Variants in MYLK3 observed in about 807,000 individuals in gnomAD.
MYLK3 encodes myosin light chain kinase 3.
In MYLK3, 55 loss-of-function variants were observed where a neutral mutation model predicts 76.3. The observed-to-expected ratio is 0.72, with a 90% CI of 0.58 to 0.90. The LOEUF (loss-of-function observed/expected upper bound fraction) is 0.90. Ranked by LOEUF, MYLK3 falls within the 40% of genes least tolerant of loss-of-function variation. The pLI is 0.00. For missense variants in MYLK3, 973 were observed against 1,053.6 expected (o/e 0.92, Z 1.06); for synonymous variants, 416 against 425.4 (o/e 0.98, Z 0.27).
chr16:46,748,396 C>A, upstream of MYLK3: 1 of 977,804 alleles, frequency 1.0e-6, no homozygotes, highest in Non-Finnish European at 1.4e-6. The surrounding 1 kb of genome is among the most constrained non-coding windows in gnomAD (Gnocchi z 4.3). Context: ...GCTTATCTCC[C>A]ACCCTACACG....
intron 4 of MYLK3, among the ~76,000 whole-genome samples, chr16:46,731,523 A>C (rs1174330174): frequency 1.3e-5 from 2 of 152,212 alleles, no homozygotes; most frequent in Non-Finnish European, 2.9e-5. Context: ...AGTGCTCGCC[A>C]TGGGAGCACT....
At chr16:46,733,074 A>G (rs755114327) in intron 3 of MYLK3, among the ~76,000 whole-genome samples, 12 of 152,342 alleles carry the variant, frequency 7.9e-5, no homozygotes, top group Non-Finnish European at 1.8e-4. Flanking sequence ...AAAATCAGTC[A>G]ATTCCAGCTG....
At chr16:46,744,927 A>G (rs1051364184) in intron 1 of MYLK3, among the ~76,000 whole-genome samples, 1 of 152,162 alleles carries the variant, frequency 6.6e-6, no homozygotes, top group Non-Finnish European at 1.5e-5. Context: ...TCTTTTTGCT[A>G]TAAATGCTAA....
chr16:46,732,658 G>A lies in MYLK3; in HGVS notation c.1012C>T (p.His338Tyr). The A allele has an allele frequency of 6.6e-7, 1 of 1,516,962 alleles. No homozygotes were observed. 94.0% of individuals were successfully genotyped at this position (1,516,962 alleles called of 1,614,324 possible). The change falls in exon 4 of 13, where the codon CAC becomes TAC. Residue 338 changes from histidine (H) to tyrosine (Y), a missense_variant. Physicochemically the swap from His to Tyr is moderately conservative, Grantham distance 83. Coordinates refer to ENST00000394809, the MANE Select transcript of MYLK3 (RefSeq NM_182493.3). ...GGETPPRISIHIQEMDTPGEM... is the reference protein window; with the variant it reads ...GGETPPRISIYIQEMDTPGEM... Reference sequence around the variant, plus strand: ...CCAGGAGTATCCATCTCTTGTATGTGGATGGAGATCCTGGGGTGGAGAGAA... The same window carrying A: ...CCAGGAGTATCCATCTCTTGTATGTAGATGGAGATCCTGGGGTGGAGAGAA...
In MYLK3 at chr16:46,709,687, G is replaced by C. The variant is rs1030668147; in HGVS notation, c.2268-16C>G. Reference sequence around the variant, plus strand: ...CATTCTGCAGCTGTGAAATCAAAGAGCAGTTAAGACTTTTAGTTGGAGTTG... The same window carrying C: ...CATTCTGCAGCTGTGAAATCAAAGACCAGTTAAGACTTTTAGTTGGAGTTG... On this transcript the variant is annotated splice_polypyrimidine_tract_variant and intron_variant, in intron 11 of 12. Coordinates refer to ENST00000394809, the MANE Select transcript of MYLK3 (RefSeq NM_182493.3). 2 of 1,608,222 alleles carry C rather than the reference G, an allele frequency of 1.2e-6. No individual in the cohort carries two copies. Among genetic ancestry groups the C allele is most frequent in the Non-Finnish European group, 1.7e-6 (2 of 1,178,532 alleles).
At chr16:46,742,707 G>A (rs1053382469) in intron 1 of MYLK3, among the ~76,000 whole-genome samples, 29 of 152,182 alleles carry the variant, frequency 1.9e-4, no homozygotes, top group African/African-American at 6.0e-4. Flanking sequence ...TGAACAGTAA[G>A]GACATAGCAC....
intron 5 of MYLK3, chr16:46,730,001 T>A (rs1191041959): frequency 5.6e-6 from 2 of 353,986 alleles, no homozygotes; most frequent in Non-Finnish European, 1.0e-5. Context: ...CCAGGGAACA[T>A]CCCCTCACCC....
At chr16:46,762,060 G>C (rs949655191) in intron 1 of MYLK3, among the ~76,000 whole-genome samples, 2 of 152,156 alleles carry the variant, frequency 1.3e-5, no homozygotes, top group Non-Finnish European at 2.9e-5. Flanking sequence ...CTCAAGGAAC[G>C]AGTCTTTGAA....
rs1966641378 is a variant in MYLK3 at position 46,707,778 on chromosome 16, A to G, written c.2401-15T>C. On this transcript the variant is annotated splice_polypyrimidine_tract_variant and intron_variant, in intron 12 of 12. Transcript: ENST00000394809. Reference sequence around the variant, plus strand: ...TAGAAATGTTTCTTGAGGCAAGGAGAGAATAAAAGAAAAGAAAAAGCATGT... The same window carrying G: ...TAGAAATGTTTCTTGAGGCAAGGAGGGAATAAAAGAAAAGAAAAAGCATGT... 2 of 1,595,460 alleles carry G rather than the reference A, an allele frequency of 1.3e-6. No individual in the cohort carries two copies. Among genetic ancestry groups the G allele is most frequent in the Non-Finnish European group, 1.7e-6 (2 of 1,166,780 alleles).
chr16:46,719,983 G>T (rs1966783350), intron 9 of MYLK3, among the ~76,000 whole-genome samples: 1 of 152,150 alleles, frequency 6.6e-6, no homozygotes, highest in Admixed American at 6.5e-5. Context: ...TTTGAGACCA[G>T]TCTGACCCAC....
At chr16:46,758,429 G>A (rs963030310) in intron 1 of MYLK3, among the ~76,000 whole-genome samples, 2 of 152,080 alleles carry the variant, frequency 1.3e-5, no homozygotes, top group African/African-American at 2.4e-5. Context: ...CAGCCCCTGC[G>A]CTGAGCGCTT....
Position 46,757,325 on chromosome 16 carries a change from G to A in MYLK3, c.-114+5715C>T, listed in dbSNP as rs1362361279. On this transcript the variant is annotated intron_variant, in intron 1 of 11. Transcript: ENST00000536476. Reference sequence around the variant, plus strand: ...TCTTGGCGCAAGAGAACCCAGGACCGGGGAACAACTGTCACCAGGTCTCCC... The same window carrying A: ...TCTTGGCGCAAGAGAACCCAGGACCAGGGAACAACTGTCACCAGGTCTCCC... 6 of 961,836 alleles carry A rather than the reference G, an allele frequency of 6.2e-6. No homozygotes were observed. In the African/African-American group the frequency reaches 7.0e-5, roughly 11 times the overall value. The allele number at this position is 961,836 out of a possible 1,614,324, so 59.6% of individuals were successfully genotyped here.
rs536148627 is a variant in MYLK3 at position 46,730,449 on chromosome 16, G to A, written c.1568+144C>T. Reference sequence around the variant, plus strand: ...TGTGGGCCACCATGCACCCCATGCTGTACAGGATGTCCCACCCCAGCCTTG... The same window carrying A: ...TGTGGGCCACCATGCACCCCATGCTATACAGGATGTCCCACCCCAGCCTTG... On this transcript the variant is annotated intron_variant, in intron 5 of 12. Transcript: ENST00000394809. The A allele has an allele frequency of 2.3e-4, 153 of 673,568 alleles. No homozygotes were observed. In the South Asian group the frequency reaches 2.5e-3, roughly 11 times the overall value. 41.7% of individuals were successfully genotyped at this position (673,568 alleles called of 1,614,324 possible). A position where few individuals can be genotyped will look rare whatever the true frequency, so the allele number is the denominator to read the frequency against.
At chr16:46,746,368 A>C (rs1273214799) in intron 1 of MYLK3, among the ~76,000 whole-genome samples, 1 of 152,180 alleles carries the variant, frequency 6.6e-6, no homozygotes, top group Non-Finnish European at 1.5e-5. Context: ...ATTTGATTGA[A>C]TCTGCAGATG....
upstream of MYLK3, among the ~76,000 whole-genome samples, chr16:46,748,476 A>G (rs1967069948): frequency 6.6e-6 from 1 of 152,152 alleles, no homozygotes; most frequent in Admixed American, 6.5e-5. This position sits in a 1 kb window ranked among gnomAD's most constrained non-coding sequence, Gnocchi z 4.3. Context: ...TCACGGCAGC[A>G]TTTAACATTC....
At chr16:46,728,224 G>A (rs767749248) in intron 7 of MYLK3, among the ~76,000 whole-genome samples, 4 of 152,206 alleles carry the variant, frequency 2.6e-5, no homozygotes, top group South Asian at 2.1e-4. Context: ...GCACTGGGGC[G>A]GTTGGGAGTG....
chr16:46,711,568 T>C, intron 10 of MYLK3: 1 of 365,206 alleles, frequency 2.7e-6, no homozygotes, highest in African/African-American at 2.2e-5. Flanking sequence ...TGGAGTGCTA[T>C]GGTGCAATCA....
At position 46,737,889 on chromosome 16, in the gene MYLK3, A is replaced by T. The variant is rs763802175; in HGVS notation, c.823T>A (p.Ser275Thr). Residue 275 changes from serine to threonine, a missense_variant, in exon 3 of 13, where the codon TCC (serine) becomes ACC (threonine). Physicochemically the swap from Ser to Thr is moderately conservative, Grantham distance 58 (BLOSUM62 1). Transcript: ENST00000394809. ...APAPGRVNVVSPSLEVAPGAG... is the reference protein window; with the variant it reads ...APAPGRVNVVTPSLEVAPGAG... The stretch of plus-strand genomic sequence containing the variant: ...CCTGGTGCAACCTCCAGGCTCGGGG[A>T]GACCACATTGACCCTGCCGGGTGCT... 3 of 1,614,146 alleles carry T rather than the reference A, an allele frequency of 1.9e-6. No homozygotes were observed. Among genetic ancestry groups the T allele is most frequent in the South Asian group, 2.2e-5 (2 of 91,080 alleles).
chr16:46,735,141 A>C, intron 3 of MYLK3, among the ~76,000 whole-genome samples: 1 of 144,774 alleles, frequency 6.9e-6, no homozygotes, highest in East Asian at 2.0e-4. Flanking sequence ...ACCCTGTCTC[A>C]AAAAAAAAAA....
Sources: gnomAD v4.1 joint callset for allele counts (sites outside exome capture counted in the v4.1 genomes callset) on GRCh38, gnomAD v4.1.1 for gene constraint, Gnocchi (gnomAD v3.1) non-coding constraint, MANE v1.5 for transcripts, NCBI Gene and HGNC (gene_info 2026-07-23, HGNC 2026-07-21) for gene names.